SHISAL1: variants seen among roughly 807,000 people sequenced by gnomAD.
SHISAL1 encodes shisa like 1, also known as protein shisa-like-1.
SHISAL1 carries 9 observed loss-of-function variants against 22.6 expected under a neutral mutation model. The ratio of observed to expected loss-of-function variants is 0.40; its 90% confidence interval spans 0.24 to 0.70. The LOEUF (loss-of-function observed/expected upper bound fraction) is 0.70. Among genes scored for constraint, SHISAL1 ranks in the 30% least tolerant of loss-of-function variants. The probability of loss-of-function intolerance (pLI) is 0.39; values close to 1 mark genes in which losing one functional copy is unlikely to be tolerated. For synonymous variants in SHISAL1, 119 were observed against 115.4 expected, an observed-to-expected ratio of 1.03 and a Z score of -0.20; for missense variants, 246 against 270.6, an observed-to-expected ratio of 0.91 and a Z score of 0.64.
rs2055009549 is a variant in SHISAL1, at chr22:44,247,311, G to C, written c.*2374C>G. 6.6e-6 allele frequency: 1 copy of C among 152,246 alleles called. No homozygotes were observed. The allele number at this position is 152,246 out of a possible 1,614,324, so 9.4% of individuals were successfully genotyped here. On this transcript the variant is annotated 3_prime_UTR_variant, in exon 5 of 5. Transcript: ENST00000381176. ...TCACGCTGTTCTCAGTGGCAGAGCT[G>C]ATGTCAGAATCTGGGTCTTGGGCCC... is the stretch of plus-strand genomic sequence containing the variant.
chr22:44,326,717 A>T, the SHISAL1 span, among the ~76,000 whole-genome samples: 2 of 151,788 alleles, frequency 1.3e-5, no homozygotes, highest in Admixed American at 1.3e-4. Flanking sequence ...GGGGAAGGAG[A>T]GCAGGCTGGG....
chr22:44,315,817 T>C (rs1221730790), upstream of SHISAL1, among the ~76,000 whole-genome samples: 1 of 152,126 alleles, frequency 6.6e-6, no homozygotes, highest in Non-Finnish European at 1.5e-5. Context: ...CGCAGGGCCC[T>C]GCCTGAGCCA....
In SHISAL1 at chr22:44,281,398, G is replaced by A. The variant is rs144755463; in HGVS notation, c.599+4030C>T. Among the ~76,000 whole-genome samples, 22 of 152,184 alleles carry A rather than the reference G, an allele frequency of 1.4e-4. No homozygotes were observed. In the East Asian group the frequency reaches 3.9e-3, roughly 27 times the overall value. On this transcript the variant is annotated intron_variant, in intron 4 of 4. Coordinates refer to ENST00000381176, the MANE Select transcript of SHISAL1 (RefSeq NM_001099294.2). ...GGGGATTGGTGGGAGGGCCTGGCTGGGCTGAATACTGGTGGAAGTGTGTGT... is the reference window on the plus strand; with the variant it reads ...GGGGATTGGTGGGAGGGCCTGGCTGAGCTGAATACTGGTGGAAGTGTGTGT...
In SHISAL1 at chr22:44,248,917, G is replaced by A. The variant is rs946296264; in HGVS notation, c.*768C>T. The A allele has an allele frequency of 6.6e-6, 1 of 152,142 alleles. No individual in the cohort carries two copies. Among genetic ancestry groups the A allele is most frequent in the African/African-American group, 2.4e-5 (1 of 41,414 alleles). 9.4% of individuals were successfully genotyped at this position (152,142 alleles called of 1,614,324 possible). ...TACCTGCCTCCCAGGTGGTGAGAGA[G>A]GGAGTGCATGAAAACACTTAACTTG... is the stretch of plus-strand genomic sequence containing the variant. On this transcript the variant is annotated 3_prime_UTR_variant, in exon 5 of 5. Transcript: ENST00000381176.
the SHISAL1 span, among the ~76,000 whole-genome samples, chr22:44,323,616 T>C: frequency 7.9e-6 from 1 of 126,608 alleles, no homozygotes; most frequent in Non-Finnish European, 1.7e-5. Context: ...ATCCACCCAT[T>C]CATCCATCCA....
At chr22:44,301,303 C>T (rs111394530) in intron 1 of SHISAL1, among the ~76,000 whole-genome samples, 93 of 152,286 alleles carry the variant, frequency 6.1e-4, no homozygotes, top group Admixed American at 2.0e-3. Flanking sequence ...TGAGGATGCC[C>T]GGGCTGGCCC....
upstream of SHISAL1, among the ~76,000 whole-genome samples, chr22:44,313,619 G>A (rs769642587): frequency 3.9e-5 from 6 of 152,212 alleles, no homozygotes; most frequent in Non-Finnish European, 5.9e-5. Flanking sequence ...ATGACTGTCT[G>A]GACACAGCCC....
intron 4 of SHISAL1, among the ~76,000 whole-genome samples, chr22:44,268,901 A>G (rs1452732007): frequency 6.6e-6 from 1 of 152,072 alleles, no homozygotes; most frequent in East Asian, 1.9e-4. Flanking sequence ...CTTTGCCTCC[A>G]GGGCTGTGTG....
At chr22:44,271,673 C>A (rs192161177) in intron 4 of SHISAL1, among the ~76,000 whole-genome samples, 1 of 152,160 alleles carries the variant, frequency 6.6e-6, no homozygotes, top group African/African-American at 2.4e-5. Context: ...CTTCTCCACT[C>A]GCTCTGCCCT....
intron 4 of SHISAL1, among the ~76,000 whole-genome samples, chr22:44,255,470 G>C (rs1569207354): frequency 6.6e-6 from 1 of 152,090 alleles, no homozygotes; most frequent in East Asian, 1.9e-4. Context: ...AGTCATCTTT[G>C]ACCCCTCTTC....
At chr22:44,304,640 T>C (rs1443258496) in intron 1 of SHISAL1, among the ~76,000 whole-genome samples, 1 of 152,208 alleles carries the variant, frequency 6.6e-6, no homozygotes, top group Non-Finnish European at 1.5e-5. Context: ...AGCCTCCTTC[T>C]GGCCCTCCTG....
Position 44,247,013 on chromosome 22 carries a change from A to T in SHISAL1, c.*2672T>A, listed in dbSNP as rs2055007043. ...ATTCCTGAAAAGACCTCTTGCGGGGAGGGGGGCAGGCAGGAGGAATGTCCT... is the reference window on the plus strand; with the variant it reads ...ATTCCTGAAAAGACCTCTTGCGGGGTGGGGGGCAGGCAGGAGGAATGTCCT... On this transcript the variant is annotated 3_prime_UTR_variant, in exon 5 of 5. Transcript: ENST00000381176. 1 of 152,214 alleles carries T rather than the reference A, an allele frequency of 6.6e-6. No individual in the cohort carries two copies. The highest frequency in any genetic ancestry group is 1.5e-5 in the Non-Finnish European group (1 of 68,224). The allele number at this position is 152,214 out of a possible 1,614,324, so 9.4% of individuals were successfully genotyped here.
At chr22:44,288,364 C>A (rs142109416) in intron 3 of SHISAL1, among the ~76,000 whole-genome samples, 12 of 152,176 alleles carry the variant, frequency 7.9e-5, no homozygotes, top group African/African-American at 2.9e-4. Context: ...GGGCCAGGCG[C>A]GGTGGCTCAT....
intron 4 of SHISAL1, 32 bp from the exon 5 acceptor site, chr22:44,249,717 A>G (rs764277375): frequency 3.9e-6 from 3 of 778,688 alleles, no homozygotes; most frequent in East Asian, 2.4e-5. Flanking sequence ...AAAGTATCAC[A>G]TGGTGTCTCC....
chr22:44,287,218 C>T (rs896532317), intron 3 of SHISAL1, among the ~76,000 whole-genome samples: 1 of 152,228 alleles, frequency 6.6e-6, no homozygotes, highest in African/African-American at 2.4e-5. Context: ...CTTCCAGGCT[C>T]CAGATCTTCC....
intron 1 of SHISAL1, among the ~76,000 whole-genome samples, chr22:44,307,413 C>T (rs1407706464): frequency 6.6e-6 from 1 of 152,176 alleles, no homozygotes; most frequent in Non-Finnish European, 1.5e-5. Context: ...CACTCAGCAG[C>T]AAAGCTCACT....
intron 1 of SHISAL1, among the ~76,000 whole-genome samples, chr22:44,303,278 CAT>C (rs2055445858): frequency 6.6e-6 from 1 of 152,002 alleles, no homozygotes; most frequent in South Asian, 2.1e-4. Context: ...CCCAAATTCA[CAT>C]GTTGAAGTCC....
At chr22:44,312,390 CT>C (rs1330022088) in intron 1 of SHISAL1, among the ~76,000 whole-genome samples, 1 of 152,182 alleles carries the variant, frequency 6.6e-6, no homozygotes, top group Non-Finnish European at 1.5e-5. Context: ...TCCCCCGAGC[CT>C]TTGGCCTTCT....
intron 3 of SHISAL1, among the ~76,000 whole-genome samples, chr22:44,293,964 T>C (rs1465287125): frequency 1.3e-5 from 2 of 152,162 alleles, no homozygotes; most frequent in East Asian, 3.9e-4. Context: ...CCTGTGCAAA[T>C]ATGCAGATTA....
Sources: gnomAD v4.1 joint callset for allele counts (sites outside exome capture counted in the v4.1 genomes callset) on GRCh38, gnomAD v4.1.1 for gene constraint, MANE v1.5 for transcripts, NCBI Gene and HGNC (gene_info 2026-07-23, HGNC 2026-07-21) for gene names.